SHANK2: variants seen among roughly 807,000 people sequenced by gnomAD.
SHANK2 encodes the protein SH3 and multiple ankyrin repeat domains 2, also known as SH3 and multiple ankyrin repeat domains protein 2.
A neutral mutation model predicts 133.7 loss-of-function variants in SHANK2; 43 were observed. That is an observed-to-expected ratio of 0.32 (90% confidence interval 0.25 to 0.41). The LOEUF (loss-of-function observed/expected upper bound fraction) is 0.41. Among genes scored for constraint, SHANK2 ranks in the 10% least tolerant of loss-of-function variants. The probability of loss-of-function intolerance (pLI) is 1.00; values close to 1 mark genes in which losing one functional copy is unlikely to be tolerated. For synonymous variants in SHANK2, 1,017 were observed against 952.8 expected (o/e 1.07, Z -1.24); for missense variants, 1,994 against 2,235.8 (o/e 0.89, Z 2.18).
intron 17 of SHANK2, among the ~76,000 whole-genome samples, chr11:70,652,953 C>G (rs1395000764): frequency 6.6e-6 from 1 of 152,160 alleles, no homozygotes; most frequent in Non-Finnish European, 1.5e-5. Context: ...GATCATGCTG[C>G]ATCTGGACTT....
chr11:71,086,776 G>A (rs1329194307), intron 8 of SHANK2, among the ~76,000 whole-genome samples: 1 of 152,114 alleles, frequency 6.6e-6, no homozygotes, highest in East Asian at 1.9e-4. Context: ...GGCACTGTCC[G>A]CTGCTCCTGC....
chr11:71,086,085 A>AATATATTATATAATATATTATGTT (rs1951402922), intron 8 of SHANK2, among the ~76,000 whole-genome samples: 1 of 25,900 alleles, frequency 3.9e-5, no homozygotes. Flanking sequence ...TATGTTATAT[A>AATATATTATATAATATATTATGTT]ATATATTAAA....
chr11:70,599,842 A>AAGGAAG (rs1554990466), intron 17 of SHANK2, among the ~76,000 whole-genome samples: 2 of 143,404 alleles, frequency 1.4e-5, no homozygotes, highest in African/African-American at 5.1e-5. Context: ...GGAAGGAAGG[A>AAGGAAG]GAGAACGAAA....
intron 16 of SHANK2, 49 bp downstream of exon 16, chr11:70,661,547 A>T (rs2061490301): frequency 7.2e-7 from 1 of 1,391,580 alleles, no homozygotes; most frequent in African/African-American, 1.5e-5. Context: ...ACACACACAC[A>T]CACACACAAA....
Position 70,468,730 on chromosome 11 carries a change from T to C in SHANK2, c.*4139A>G, listed in dbSNP as rs1430226398. 2.0e-5 allele frequency: 3 copies of C among 152,088 alleles called. No individual in the cohort carries two copies. Among genetic ancestry groups the C allele is most frequent in the African/African-American group, 7.2e-5 (3 of 41,404 alleles). 9.4% of individuals were successfully genotyped at this position (152,088 alleles called of 1,614,324 possible). The stretch of plus-strand genomic sequence containing the variant: ...GCTTGAGGGTGAACTACAAAAGATA[T>C]GAGGACTGGAATTTTTCCTGAACGT... On this transcript the variant is annotated 3_prime_UTR_variant, in exon 26 of 26. Coordinates refer to ENST00000601538, the MANE Select transcript of SHANK2 (RefSeq NM_012309.5).
chr11:70,517,053 A>G (rs914281786), intron 17 of SHANK2, among the ~76,000 whole-genome samples: 2 of 152,204 alleles, frequency 1.3e-5, no homozygotes, highest in Non-Finnish European at 2.9e-5. Flanking sequence ...AGCCTGGGCA[A>G]CAGAGTGAAA....
chr11:71,214,912 C>T (rs1565519680), intron 2 of SHANK2, among the ~76,000 whole-genome samples: 2 of 152,216 alleles, frequency 1.3e-5, no homozygotes, highest in African/African-American at 4.8e-5. Context: ...TTGAAGGCCA[C>T]CAAGCATCCC....
intron 2 of SHANK2, among the ~76,000 whole-genome samples, chr11:71,194,448 C>T (rs1953857530): frequency 1.3e-5 from 2 of 152,216 alleles, no homozygotes; most frequent in African/African-American, 4.8e-5. Flanking sequence ...CACTCACCTG[C>T]ACTTCTTTAA....
intron 10 of SHANK2, among the ~76,000 whole-genome samples, chr11:70,935,670 T>C (rs1187883618): frequency 6.6e-6 from 1 of 152,192 alleles, no homozygotes; most frequent in Non-Finnish European, 1.5e-5. Context: ...ATCTACCATG[T>C]GCCGGGCCCC....
chr11:71,119,140 A>G (rs781806222), intron 3 of SHANK2, 108 bp from the exon 4 acceptor site: 89 of 893,850 alleles, frequency 1.0e-4, no homozygotes, highest in Non-Finnish European at 1.4e-4. Flanking sequence ...CCTTCCCGAC[A>G]CTTCCTCTGA....
At position 70,507,392 on chromosome 11, in the gene SHANK2, A is replaced by G. The variant is rs138965848; in HGVS notation, c.2062-4461T>C. ...CTGATTTCTATTTCCTACGGGAGCC[A>G]CAGGTGACTGGTGAGCCCTGTATCA... On this transcript the variant is annotated intron_variant, in intron 17 of 25. Coordinates refer to ENST00000601538, the MANE Select transcript of SHANK2 (RefSeq NM_012309.5). 3.3e-3 allele frequency among the ~76,000 whole-genome samples: 499 copies of G among 152,334 alleles called. 4 individuals carry two copies. Among genetic ancestry groups the G allele is most frequent in the Middle Eastern group, 0.024 (7 of 294 alleles).
chr11:70,896,547 G>A lies in SHANK2; in HGVS notation c.1128C>T (p.Asn376=). The A allele has an allele frequency of 1.4e-6, 1 of 718,904 alleles. No individual in the cohort carries two copies. Among genetic ancestry groups the A allele is most frequent in the Non-Finnish European group, 2.6e-6 (1 of 385,038 alleles). 44.5% of individuals were successfully genotyped at this position (718,904 alleles called of 1,614,324 possible). ...TPFQVAIIAG[N]FELAEYIKNH... ...TCTTGATGTATTCTGCCAGCTCAAA[G>A]TTGCCTGCTATTATGGCCACCTGCA... The change falls in exon 11 of 26, where the codon AAC becomes AAT. Residue 376 remains asparagine (N), a synonymous_variant. Coordinates refer to ENST00000601538, the MANE Select transcript of SHANK2 (RefSeq NM_012309.5).
chr11:70,594,314 T>C (rs7948772), intron 17 of SHANK2, among the ~76,000 whole-genome samples: 149,370 of 152,280 alleles, frequency 0.98, 73,334 homozygotes, highest in Non-Finnish European at 1. Context: ...CGGTTGCCCT[T>C]GGTGCACTCT....
At chr11:70,816,847 C>G (rs1319509827) in intron 12 of SHANK2, among the ~76,000 whole-genome samples, 2 of 152,238 alleles carry the variant, frequency 1.3e-5, no homozygotes, top group African/African-American at 2.4e-5. Flanking sequence ...GCCAGGCCCC[C>G]CTCCCCTGGC....
intron 11 of SHANK2, among the ~76,000 whole-genome samples, chr11:70,870,966 C>T (rs571954334): frequency 3.3e-5 from 5 of 152,178 alleles, no homozygotes; most frequent in East Asian, 3.9e-4. Context: ...TTAGTAGAGA[C>T]GGGGTTTCAC....
chr11:71,166,000 A>T (rs1473670837), intron 2 of SHANK2, among the ~76,000 whole-genome samples: 1 of 152,124 alleles, frequency 6.6e-6, no homozygotes, highest in African/African-American at 2.4e-5. Flanking sequence ...GCACAGACAG[A>T]CGAATGTGAG....
intron 3 of SHANK2, among the ~76,000 whole-genome samples, chr11:71,135,388 C>G (rs565366446): frequency 1.3e-5 from 2 of 151,984 alleles, no homozygotes; most frequent in Non-Finnish European, 2.9e-5. Flanking sequence ...ACAAAGAGAC[C>G]GAGGAGAAGC....
intron 14 of SHANK2, among the ~76,000 whole-genome samples, chr11:70,699,816 G>T (rs1278209845): frequency 6.6e-6 from 1 of 152,216 alleles, no homozygotes; most frequent in Non-Finnish European, 1.5e-5. Flanking sequence ...AAGGAGGCAG[G>T]TGTTGAGCCC....
At chr11:71,218,017 A>T (rs1353082116) in intron 2 of SHANK2, among the ~76,000 whole-genome samples, 3 of 151,660 alleles carry the variant, frequency 2.0e-5, no homozygotes, top group African/African-American at 7.3e-5. Context: ...CGCCCGGCTA[A>T]TTTTTTGTAT....
Sources: gnomAD v4.1 joint callset for allele counts (sites outside exome capture counted in the v4.1 genomes callset) on GRCh38, gnomAD v4.1.1 for gene constraint, MANE v1.5 for transcripts, NCBI Gene and HGNC (gene_info 2026-07-23, HGNC 2026-07-21) for gene names.